The following CHD8 variants were observed in gnomAD, a reference collection of about 807,000 sequenced individuals.
The protein encoded by CHD8 is ATP-dependent chromatin remodeler CHD8.
A neutral mutation model predicts 279.2 loss-of-function variants in CHD8; 31 were observed. The ratio of observed to expected loss-of-function variants is 0.11; its 90% confidence interval spans 0.08 to 0.15. The LOEUF (loss-of-function observed/expected upper bound fraction) is 0.15. Ranked by LOEUF, CHD8 falls within the 10% of genes least tolerant of loss-of-function variation. The pLI is 1.00. For synonymous variants in CHD8, 1,081 were observed against 1,139.6 expected (o/e 0.95, Z 1.04); for missense variants, 2,146 against 3,230.5 (o/e 0.66, Z 8.14).
At chr14:21,439,745 ATATCT>A (rs1212653213) in intron 1 of CHD8, among the ~76,000 whole-genome samples, 1 of 152,202 alleles carries the variant, frequency 6.6e-6, no homozygotes, top group African/African-American at 2.4e-5. Flanking sequence ...ACTTAAGACA[ATATCT>A]TATATTTCCT....
chr14:21,427,700 T>C (rs1889387192), intron 4 of CHD8, 169 bp downstream of exon 4: 5 of 1,509,094 alleles, frequency 3.3e-6, no homozygotes, highest in Non-Finnish European at 4.4e-6. Flanking sequence ...GAGCTTACTC[T>C]TGCACGTCCC....
rs3068337 is a variant in CHD8, at chr14:21,394,605, C to CAAAAAAA, written c.5391-127_5391-121dup. On this transcript the variant is annotated intron_variant, in intron 30 of 37. Coordinates refer to ENST00000646647, the MANE Select transcript of CHD8 (RefSeq NM_001170629.2). ...AAAACACAAAAATTGAAAGTAGACG[C>CAAAAAAA]AAAAAAAAAAAAAAAAAAAGGCCCA... is the stretch of plus-strand genomic sequence containing the variant. The CAAAAAAA allele has an allele frequency of 5.5e-5, 6 of 109,152 alleles. 1 individual carries two copies. Among genetic ancestry groups the CAAAAAAA allele is most frequent in the South Asian group, 2.5e-4 (1 of 3,988 alleles). The allele number at this position is 109,152 out of a possible 1,614,324, so 6.8% of individuals were successfully genotyped here. A position where few individuals can be genotyped will look rare whatever the true frequency, so the allele number is the denominator to read the frequency against.
At chr14:21,413,657 A>G (rs1216347766) in intron 9 of CHD8, 2 of 152,762 alleles carry the variant, frequency 1.3e-5, no homozygotes, top group Non-Finnish European at 2.9e-5. Context: ...GGCCTCCTGA[A>G]GCGCTGGGAT....
At chr14:21,446,432 C>T (rs1890123526) in intron 1 of CHD8, among the ~76,000 whole-genome samples, 1 of 151,798 alleles carries the variant, frequency 6.6e-6, no homozygotes, top group South Asian at 2.1e-4. Flanking sequence ...CTGCTTCAGC[C>T]TCCCAAGCAG....
intron 5 of CHD8, among the ~76,000 whole-genome samples, chr14:21,424,285 T>C (rs1889196584): frequency 6.6e-6 from 1 of 152,234 alleles, no homozygotes; most frequent in Non-Finnish European, 1.5e-5. Context: ...TGATTTTAAA[T>C]GGTGTTTTAA....
chr14:21,455,031 T>G (rs1029184779), intron 1 of CHD8: 4 of 152,102 alleles, frequency 2.6e-5, no homozygotes, highest in African/African-American at 9.7e-5. Context: ...GTCGACAAAC[T>G]CAGAAAAGCA....
chr14:21,391,884 A>T lies in CHD8; in HGVS notation c.6834T>A (p.Asp2278Glu), dbSNP rs757324326. Residue 2278 changes from aspartate (D) to glutamate (E), a missense_variant, in exon 35 of 38, where the codon GAT becomes GAA. Asp to Glu is a conservative substitution (Grantham distance 45). Coordinates refer to ENST00000646647, the MANE Select transcript of CHD8 (RefSeq NM_001170629.2). ...TCTTCTTATGAAACAGTGGATGTCC[A>T]TCTCCCATTACTCCATTCGCCATCA... ...HKLMANGVMGDGHPLFHKKKG... is the reference protein window; with the variant it reads ...HKLMANGVMGEGHPLFHKKKG... 1.2e-6 allele frequency: 2 copies of T among 1,613,892 alleles called. No individual in the cohort carries two copies. The highest frequency in any genetic ancestry group is 4.5e-5 in the East Asian group (2 of 44,876).
At chr14:21,394,579 G>C in intron 30 of CHD8, 94 bp from the exon 31 acceptor site, 1 of 84,134 alleles carries the variant, frequency 1.2e-5, no homozygotes, top group Non-Finnish European at 2.0e-5. Flanking sequence ...TAGAATATCT[G>C]AAAACACAAA....
chr14:21,397,668 G>T, intron 27 of CHD8, 155 bp downstream of exon 27: 1 of 652,762 alleles, frequency 1.5e-6, no homozygotes, highest in Non-Finnish European at 2.6e-6. Context: ...TGTGGTTTAT[G>T]CAGTTTATGG....
chr14:21,439,609 A>G (rs1008561046), intron 1 of CHD8, among the ~76,000 whole-genome samples: 5 of 152,232 alleles, frequency 3.3e-5, no homozygotes, highest in Admixed American at 2.0e-4. Context: ...TGCTTATGTA[A>G]GAGAAAAGCC....
At position 21,397,183 on chromosome 14, in the gene CHD8, A is replaced by G. The variant is rs181509523; in HGVS notation, c.5051+640T>C. On this transcript the variant is annotated intron_variant, in intron 27 of 37. Coordinates refer to ENST00000646647, the MANE Select transcript of CHD8 (RefSeq NM_001170629.2). ...CGATTTGCAATGAATAAATAACCCA[A>G]TTTCCTTTGAGGGTCCTACACTAGG... The G allele has an allele frequency of 1.7e-5, 5 of 287,440 alleles. No homozygotes were observed. In the East Asian group the frequency reaches 3.4e-4, roughly 20 times the overall value. 17.8% of individuals were successfully genotyped at this position (287,440 alleles called of 1,614,324 possible).
At chr14:21,401,174 T>G in intron 21 of CHD8, 103 bp from the exon 22 acceptor site, 6 of 956,634 alleles carry the variant, frequency 6.3e-6, no homozygotes, top group Non-Finnish European at 7.6e-6. Flanking sequence ...AACGTGTAGA[T>G]ACTCAGAGAT....
intron 4 of CHD8, chr14:21,426,671 G>GA (rs1889332898): frequency 6.5e-6 from 1 of 153,842 alleles, no homozygotes; most frequent in South Asian, 2.0e-4. Context: ...TTTAAAAGCT[G>GA]AAAAATCCGG....
At chr14:21,410,133 A>C (rs1272708648) in intron 10 of CHD8, 145 bp from the exon 11 acceptor site, 2 of 648,282 alleles carry the variant, frequency 3.1e-6, no homozygotes, top group Non-Finnish European at 4.9e-6. Context: ...ACATCGACCA[A>C]AAGTTCACCT....
intron 32 of CHD8, 63 bp from the exon 33 acceptor site, chr14:21,393,317 T>A: frequency 6.3e-7 from 1 of 1,590,894 alleles, no homozygotes; most frequent in Non-Finnish European, 8.6e-7. Context: ...ATGGTAATGG[T>A]ATTATATGGG....
At chr14:21,415,382 C>CGACTA in intron 7 of CHD8, 192 bp downstream of exon 7, 1 of 337,318 alleles carries the variant, frequency 3.0e-6, no homozygotes, top group Non-Finnish European at 5.1e-6. Flanking sequence ...CAATGGTAGT[C>CGACTA]CCAGATACTC....
At chr14:21,444,652 T>C (rs1890068109) in intron 1 of CHD8, among the ~76,000 whole-genome samples, 1 of 152,178 alleles carries the variant, frequency 6.6e-6, no homozygotes, top group African/African-American at 2.4e-5. Context: ...TCCCATGGCT[T>C]ACAGGACACC....
At position 21,400,834 on chromosome 14, in the gene CHD8, A is replaced by G; in HGVS notation, c.4370+41T>C. On this transcript the variant is annotated intron_variant, in intron 22 of 37. Coordinates refer to ENST00000646647, the MANE Select transcript of CHD8 (RefSeq NM_001170629.2). This position sits in a 1 kb window ranked among gnomAD's most constrained non-coding sequence, Gnocchi z 4.2. ...ACCAAGAGTATCTATCAGGATGGAG[A>G]TGCACTATGCACTACCTCTAATGGT... 1 of 1,527,002 alleles carries G rather than the reference A, an allele frequency of 6.5e-7. No individual in the cohort carries two copies. Among genetic ancestry groups the G allele is most frequent in the Middle Eastern group, 1.8e-4 (1 of 5,674 alleles). 94.6% of individuals were successfully genotyped at this position (1,527,002 alleles called of 1,614,324 possible).
At position 21,437,251 on chromosome 14, in the gene CHD8, C is replaced by A. The variant is rs1424950928; in HGVS notation, c.-215-5393G>T. On this transcript the variant is annotated intron_variant, in intron 1 of 37. Coordinates refer to ENST00000646647, the MANE Select transcript of CHD8 (RefSeq NM_001170629.2). ...CTCCCTGTCTCTCCAGCACCAGTTC[C>A]CCCTCCTCCTGCGCAACCTAACCTG... is the stretch of plus-strand genomic sequence containing the variant. The A allele has an allele frequency of 8.6e-6, 10 of 1,166,868 alleles. 1 individual carries two copies. In the South Asian group the frequency reaches 1.3e-4, roughly 15 times the overall value. 72.3% of individuals were successfully genotyped at this position (1,166,868 alleles called of 1,614,324 possible).
Sources: gnomAD v4.1 joint callset for allele counts (sites outside exome capture counted in the v4.1 genomes callset) on GRCh38, gnomAD v4.1.1 for gene constraint, Gnocchi (gnomAD v3.1) non-coding constraint, MANE v1.5 for transcripts, NCBI Gene and HGNC (gene_info 2026-07-23, HGNC 2026-07-21) for gene names.